The following PLCB4 variants were observed in gnomAD, a reference collection of about 807,000 sequenced individuals.
PLCB4 encodes the protein 1-phosphatidylinositol 4,5-bisphosphate phosphodiesterase beta-4.
PLCB4 carries 77 observed loss-of-function variants against 178.8 expected under a neutral mutation model. The ratio of observed to expected loss-of-function variants is 0.43; its 90% CI spans 0.36 to 0.52. The LOEUF is 0.52. Ranked by LOEUF, PLCB4 falls within the 20% of genes least tolerant of loss-of-function variation. PLCB4 has a pLI of 0.00. For missense variants in PLCB4, 1,024 were observed against 1,453.4 expected (o/e 0.70, Z 4.80); for synonymous variants, 496 against 490.8 (o/e 1.01, Z -0.14).
Position 9,337,106 on chromosome 20 carries a change from A to G in PLCB4, c.85-20A>G. On this transcript the variant is annotated intron_variant, in intron 4 of 39. Transcript: ENST00000378473. ...CAAAATGGTGTGAGTCATGAAGATC[A>G]ACACATTTCTTTTTGACAGGAATCC... The G allele has an allele frequency of 6.5e-7, 1 of 1,537,482 alleles. No individual in the cohort carries two copies.
intron 2 of PLCB4, among the ~76,000 whole-genome samples, chr20:9,203,609 G>A (rs375178260): frequency 6.6e-6 from 1 of 152,006 alleles, no homozygotes; most frequent in Non-Finnish European, 1.5e-5. Flanking sequence ...GGCACTTTTC[G>A]TGTATTATTC....
intron 2 of PLCB4, among the ~76,000 whole-genome samples, chr20:9,142,476 C>T (rs1200971185): frequency 6.6e-6 from 1 of 152,048 alleles, no homozygotes; most frequent in Non-Finnish European, 1.5e-5. Context: ...ATGAGTGCAT[C>T]ATTAGATGCT....
chr20:9,116,135 G>A (rs953573742), intron 2 of PLCB4, among the ~76,000 whole-genome samples: 7 of 151,490 alleles, frequency 4.6e-5, no homozygotes, highest in African/African-American at 1.2e-4. Context: ...TATTGTATCC[G>A]TGTGTGTGTG....
chr20:9,444,879 A>G (rs1193732750), intron 32 of PLCB4, among the ~76,000 whole-genome samples: 1 of 152,244 alleles, frequency 6.6e-6, no homozygotes, highest in East Asian at 1.9e-4. Flanking sequence ...AGTTTGCCAT[A>G]CACACTGGTG....
At chr20:9,135,993 T>C (rs1007483857) in intron 2 of PLCB4, among the ~76,000 whole-genome samples, 3 of 152,178 alleles carry the variant, frequency 2.0e-5, no homozygotes, top group African/African-American at 7.2e-5. Flanking sequence ...AATTATTTGA[T>C]GAAGTTTACA....
intron 29 of PLCB4, 70 bp downstream of exon 29, chr20:9,435,718 A>T: frequency 1.1e-6 from 1 of 902,660 alleles, no homozygotes; most frequent in Middle Eastern, 2.2e-4. Flanking sequence ...GTTTACAAAA[A>T]CAAGACAAAG....
chr20:9,453,084 G>T (rs560919557), intron 32 of PLCB4, among the ~76,000 whole-genome samples: 1 of 152,268 alleles, frequency 6.6e-6, no homozygotes, highest in African/African-American at 2.4e-5. Context: ...CGAGATGATT[G>T]GCACTACCCA....
chr20:9,352,493 T>C (rs73246628), intron 7 of PLCB4, among the ~76,000 whole-genome samples: 9,374 of 152,270 alleles, frequency 0.062, 926 homozygotes, highest in African/African-American at 0.21. Flanking sequence ...CCATTTGGTA[T>C]GGAAGTTTGG....
At chr20:9,177,857 C>T (rs549651400) in intron 2 of PLCB4, among the ~76,000 whole-genome samples, 3 of 152,286 alleles carry the variant, frequency 2.0e-5, no homozygotes, top group East Asian at 3.9e-4. Flanking sequence ...ACCTGCCTGT[C>T]CTCATCTCAT....
intron 4 of PLCB4, among the ~76,000 whole-genome samples, chr20:9,310,594 C>T (rs2094820911): frequency 6.6e-6 from 1 of 151,928 alleles, no homozygotes; most frequent in Admixed American, 6.6e-5. Flanking sequence ...TGCCTATAGT[C>T]CCAGCTACTT....
chr20:9,288,006 G>A (rs2094549613), intron 3 of PLCB4, among the ~76,000 whole-genome samples: 1 of 152,080 alleles, frequency 6.6e-6, no homozygotes, highest in African/African-American at 2.4e-5. Flanking sequence ...TTCTATTGCA[G>A]CTCCACCAGC....
chr20:9,177,471 G>A (rs1212873535), intron 2 of PLCB4, among the ~76,000 whole-genome samples: 1 of 152,206 alleles, frequency 6.6e-6, no homozygotes, highest in African/African-American at 2.4e-5. Context: ...CTCATCTCTT[G>A]TGTCTAAAAT....
intron 2 of PLCB4, chr20:9,166,548 C>T (rs993407163): frequency 6.6e-6 from 1 of 152,104 alleles, no homozygotes; most frequent in Non-Finnish European, 1.5e-5. Flanking sequence ...GCTAATTCAT[C>T]CCGAGGCTCC....
At chr20:9,426,138 G>GA (rs1269453385) in intron 28 of PLCB4, among the ~76,000 whole-genome samples, 2 of 150,522 alleles carry the variant, frequency 1.3e-5, no homozygotes, top group Non-Finnish European at 3.0e-5. Flanking sequence ...TTTCCCCTAG[G>GA]AAAAAAAAGA....
intron 3 of PLCB4, among the ~76,000 whole-genome samples, chr20:9,236,051 C>T (rs2093989172): frequency 6.6e-6 from 1 of 152,154 alleles, no homozygotes; most frequent in Non-Finnish European, 1.5e-5. Flanking sequence ...AGAAACAGGA[C>T]ATTCCCAATA....
rs1459856077 is a variant in PLCB4, at chr20:9,459,723, A to C, written c.3161A>C (p.His1054Pro). 1 of 1,612,474 alleles carries C rather than the reference A, an allele frequency of 6.2e-7. No homozygotes were observed. Among genetic ancestry groups the C allele is most frequent in the Non-Finnish European group, 8.5e-7 (1 of 1,178,724 alleles). The change falls in exon 35 of 40, where the codon CAC becomes CCC. Residue 1054 changes from histidine (H) to proline (P), a missense_variant. By Grantham distance (77) the His-to-Pro change is moderately conservative. Coordinates refer to ENST00000378473, the MANE Select transcript of PLCB4 (RefSeq NM_001377142.1). Reference protein sequence around the residue: ...SAEEQEIRDLHLSQQCELLKK... With the variant: ...SAEEQEIRDLPLSQQCELLKK... Reference sequence around the variant, plus strand: ...GAGGAGCAAGAAATCCGAGACCTGCACCTCAGCCAGCAGTGTGAGCTGCTG... The same window carrying C: ...GAGGAGCAAGAAATCCGAGACCTGCCCCTCAGCCAGCAGTGTGAGCTGCTG...
Position 9,411,087 on chromosome 20 carries a change from G to A in PLCB4, c.2050G>A (p.Gly684Arg), listed in dbSNP as rs2039824942. ...QGKFEYNGSCGYLLKPDFMRR... is the reference protein window; with the variant it reads ...QGKFEYNGSCRYLLKPDFMRR... ...AAAATTTGAGTATAATGGATCGTGCGGGTGAGTAATATGATTTAAACTGTT... is the reference window on the plus strand; with the variant it reads ...AAAATTTGAGTATAATGGATCGTGCAGGTGAGTAATATGATTTAAACTGTT... Residue 684 changes from glycine to arginine, a missense_variant and splice_region_variant, in exon 25 of 40, where the codon GGG (glycine) becomes AGG (arginine). This residue lies in a region of PLCB4 where 227 missense variants were observed against 374.3 expected (regional missense o/e 0.61). Transcript: ENST00000378473. 2 of 1,600,850 alleles carry A rather than the reference G, an allele frequency of 1.2e-6. No individual in the cohort carries two copies. Among genetic ancestry groups the A allele is most frequent in the Non-Finnish European group, 1.7e-6 (2 of 1,168,274 alleles).
chr20:9,224,638 G>T (rs1048489076), intron 3 of PLCB4, among the ~76,000 whole-genome samples: 1 of 152,082 alleles, frequency 6.6e-6, no homozygotes, highest in Non-Finnish European at 1.5e-5. Context: ...AGAATTCTTC[G>T]GTTTGGCCAA....
At chr20:9,127,975 C>T (rs948372126) in intron 2 of PLCB4, among the ~76,000 whole-genome samples, 1 of 152,128 alleles carries the variant, frequency 6.6e-6, no homozygotes, top group African/African-American at 2.4e-5. Context: ...ACGTGAGACA[C>T]CACGCCCGGC....
Sources: gnomAD v4.1 joint callset for allele counts (sites outside exome capture counted in the v4.1 genomes callset) on GRCh38, gnomAD v4.1.1 for gene constraint, gnomAD v4.1.1 regional missense constraint, MANE v1.5 for transcripts, NCBI Gene and HGNC (gene_info 2026-07-23, HGNC 2026-07-21) for gene names.